Variants in KIF1B observed in about 807,000 individuals in gnomAD.
KIF1B encodes kinesin family member 1B.
A neutral mutation model predicts 241.9 loss-of-function variants in KIF1B; 76 were observed. The observed-to-expected ratio is 0.31, with a 90% CI of 0.26 to 0.38. The LOEUF (loss-of-function observed/expected upper bound fraction) is 0.38. Ranked by LOEUF, KIF1B falls within the 10% of genes least tolerant of loss-of-function variation. KIF1B has a pLI of 1.00. For synonymous variants in KIF1B, 750 were observed against 796.7 expected (o/e 0.94, Z 0.99); for missense variants, 1,622 against 2,271.4 (o/e 0.71, Z 5.81).
At chr1:10,342,784 A>G (rs6541090) in intron 33 of KIF1B, among the ~76,000 whole-genome samples, 83,964 of 152,050 alleles carry the variant, frequency 0.55, 24,352 homozygotes, top group African/African-American at 0.74. Flanking sequence ...TTGAAAAAAC[A>G]GGGTTTATTG....
At chr1:10,263,545 A>C (rs957741403) in intron 5 of KIF1B, among the ~76,000 whole-genome samples, 4 of 151,986 alleles carry the variant, frequency 2.6e-5, no homozygotes, top group African/African-American at 9.7e-5. Context: ...AATTCATTTA[A>C]TTGCTTTGGA....
At chr1:10,293,297 T>C in intron 17 of KIF1B, among the ~76,000 whole-genome samples, 1 of 152,176 alleles carries the variant, frequency 6.6e-6, no homozygotes, top group Admixed American at 6.5e-5. Context: ...TATATAGATT[T>C]TAGCAGTTAC....
At chr1:10,247,066 T>C (rs1418746071) in intron 2 of KIF1B, among the ~76,000 whole-genome samples, 9 of 152,184 alleles carry the variant, frequency 5.9e-5, no homozygotes, top group Admixed American at 3.3e-4. Context: ...GGTTTTGCCA[T>C]GTTGGCCAGG....
rs1652190471 is a variant in KIF1B at position 10,336,605 on chromosome 1, C to T, written c.3044-52C>T. 6 of 1,409,518 alleles carry T rather than the reference C, an allele frequency of 4.3e-6. No homozygotes were observed. The South Asian group carries it at 6.9e-5, about 16-fold the overall frequency. The allele number at this position is 1,409,518 out of a possible 1,614,324, so 87.3% of individuals were successfully genotyped here. A position where few individuals can be genotyped will look rare whatever the true frequency, so the allele number is the denominator to read the frequency against. Reference sequence around the variant, plus strand: ...AATCCAGCAAGAGCTTTTTCCCTCCCTCCCCCTGTGTAGTCTCACTCAATT... The same window carrying T: ...AATCCAGCAAGAGCTTTTTCCCTCCTTCCCCCTGTGTAGTCTCACTCAATT... On this transcript the variant is annotated intron_variant, in intron 28 of 48. Transcript: ENST00000676179.
At chr1:10,254,829 A>C (rs1647675591) in intron 2 of KIF1B, among the ~76,000 whole-genome samples, 1 of 138,508 alleles carries the variant, frequency 7.2e-6, no homozygotes, top group African/African-American at 2.7e-5. Flanking sequence ...GTGAGCCGAG[A>C]TCGTGCCACT....
chr1:10,294,227 A>C (rs535896283), intron 17 of KIF1B, among the ~76,000 whole-genome samples: 2 of 152,342 alleles, frequency 1.3e-5, no homozygotes, highest in Admixed American at 6.5e-5. Context: ...GTTTTTTAAA[A>C]AGATTTTAGA....
At chr1:10,302,541 C>G (rs1318755134) in intron 22 of KIF1B, among the ~76,000 whole-genome samples, 2 of 152,134 alleles carry the variant, frequency 1.3e-5, no homozygotes, top group African/African-American at 2.4e-5. Flanking sequence ...TTTCTACATT[C>G]TCATCTTCTA....
At chr1:10,300,485 A>G (rs1348802157) in intron 22 of KIF1B, among the ~76,000 whole-genome samples, 6 of 151,934 alleles carry the variant, frequency 3.9e-5, no homozygotes, top group East Asian at 1.9e-4. Context: ...TTGGATTTAT[A>G]TAGACTTATT....
chr1:10,293,367 C>T (rs1650102041), intron 17 of KIF1B, among the ~76,000 whole-genome samples: 1 of 149,044 alleles, frequency 6.7e-6, no homozygotes, highest in African/African-American at 2.5e-5. Flanking sequence ...TTTATAACAT[C>T]TTACAGTATT....
intron 12 of KIF1B, 134 bp downstream of exon 12, chr1:10,276,533 A>C: frequency 1.4e-6 from 1 of 701,388 alleles, no homozygotes; most frequent in East Asian, 2.7e-5. Context: ...ATAACAGGGA[A>C]AACTTAGGGA....
chr1:10,374,431 A>C lies in KIF1B; in HGVS notation c.5062A>C (p.Asn1688His). The C allele has an allele frequency of 6.2e-7, 1 of 1,614,206 alleles. No individual in the cohort carries two copies. Among genetic ancestry groups the C allele is most frequent in the African/African-American group, 1.3e-5 (1 of 75,054 alleles). Residue 1688 changes from asparagine (N) to histidine (H), a missense_variant, in exon 46 of 49, where the codon AAT (asparagine) becomes CAT (histidine). Around this residue, in one of 7 missense-constraint regions of KIF1B, gnomAD observed 357 missense variants for 409.0 expected, o/e 0.87. Coordinates refer to ENST00000676179, the MANE Select transcript of KIF1B (RefSeq NM_001365951.3). The surrounding 1 kb of genome is among the most constrained non-coding windows in gnomAD (Gnocchi z 4.3). Reference sequence around the variant, plus strand: ...CCGAGCAGGAAAAAACGAATTTCTCAATCTTGTTCCAGATATTGAAGAAAT... The same window carrying C: ...CCGAGCAGGAAAAAACGAATTTCTCCATCTTGTTCCAGATATTGAAGAAAT... ...LARAGKNEFL[N>H]LVPDIEEIRP...
chr1:10,221,186 C>T (rs1239840814), intron 1 of KIF1B, among the ~76,000 whole-genome samples: 1 of 150,292 alleles, frequency 6.7e-6, no homozygotes, highest in Non-Finnish European at 1.5e-5. Context: ...CAACCTCCAC[C>T]TCCGAGGTTC....
chr1:10,267,741 C>T (rs1256091008), intron 6 of KIF1B, among the ~76,000 whole-genome samples, 183 bp downstream of exon 6: 1 of 152,160 alleles, frequency 6.6e-6, no homozygotes, highest in African/African-American at 2.4e-5. Flanking sequence ...CTCATCTAAA[C>T]AGTACATTGC....
intron 43 of KIF1B, 102 bp from the exon 44 acceptor site, chr1:10,368,365 C>A (rs1168665882): frequency 1.1e-6 from 1 of 897,378 alleles, no homozygotes; most frequent in South Asian, 1.3e-5. Flanking sequence ...ATGCCCTCCC[C>A]GGGAACTCAG....
intron 5 of KIF1B, among the ~76,000 whole-genome samples, chr1:10,263,280 ATAATAAT>A (rs1648252834): frequency 7.2e-6 from 1 of 138,446 alleles, no homozygotes; most frequent in Non-Finnish European, 1.6e-5. Context: ...CAAAAAAAAA[ATAATAAT>A]AATAAATAAA....
chr1:10,306,067 T>A, intron 22 of KIF1B: 6 of 1,044,772 alleles, frequency 5.7e-6, no homozygotes, highest in Non-Finnish European at 5.8e-6. Context: ...CTATGCTTTA[T>A]TAGAACACAT....
intron 2 of KIF1B, among the ~76,000 whole-genome samples, chr1:10,254,648 G>T (rs113602226): frequency 6.6e-6 from 1 of 151,846 alleles, no homozygotes; most frequent in Admixed American, 6.6e-5. Context: ...AGGCCGAGGC[G>T]GGTGGATCAC....
intron 22 of KIF1B, chr1:10,304,940 C>T: frequency 8.2e-7 from 1 of 1,217,422 alleles, no homozygotes; most frequent in Non-Finnish European, 1.0e-6. Flanking sequence ...AGACTTGTCC[C>T]ATCTTGATGT....
At chr1:10,236,892 G>C (rs1291863915) in intron 2 of KIF1B, among the ~76,000 whole-genome samples, 4 of 151,670 alleles carry the variant, frequency 2.6e-5, no homozygotes, top group Non-Finnish European at 4.4e-5. Flanking sequence ...TTTGAACATA[G>C]ACTTGTTGGA....
Sources: gnomAD v4.1 joint callset for allele counts (sites outside exome capture counted in the v4.1 genomes callset) on GRCh38, gnomAD v4.1.1 for gene constraint, gnomAD v4.1.1 regional missense constraint, Gnocchi (gnomAD v3.1) non-coding constraint, MANE v1.5 for transcripts, NCBI Gene and HGNC (gene_info 2026-07-23, HGNC 2026-07-21) for gene names.